Variants in LRRC37A2 observed in about 807,000 individuals in gnomAD.
LRRC37A2 encodes leucine rich repeat containing 37 member A2, also known as leucine-rich repeat-containing protein 37A2.
LRRC37A2 carries 9 observed loss-of-function variants against 68.8 expected under a neutral mutation model. The observed-to-expected ratio is 0.13, with a 90% CI of 0.08 to 0.23. The LOEUF is 0.23. Among genes scored for constraint, LRRC37A2 ranks in the 10% least tolerant of loss-of-function variants. The probability of loss-of-function intolerance (pLI) is 1.00; values close to 1 mark genes in which losing one functional copy is unlikely to be tolerated. For missense variants in LRRC37A2, 168 were observed against 950.4 expected (o/e 0.18, Z 10.82); for synonymous variants, 63 against 367.6 (o/e 0.17, Z 9.48).
chr17:46,769,569 C>G, the LRRC37A2 span, among the ~76,000 whole-genome samples: 4 of 152,070 alleles, frequency 2.6e-5, no homozygotes, highest in South Asian at 6.2e-4. Flanking sequence ...CCGACTCATC[C>G]CGGGTGGGGT....
chr17:46,810,857 T>G, the LRRC37A2 span, among the ~76,000 whole-genome samples: 1 of 152,128 alleles, frequency 6.6e-6, no homozygotes, highest in Non-Finnish European at 1.5e-5. Context: ...AATATCAAGA[T>G]GGTGGCAGAG....
the LRRC37A2 span, among the ~76,000 whole-genome samples, chr17:46,721,006 C>T: frequency 6.6e-6 from 1 of 152,196 alleles, no homozygotes; most frequent in Non-Finnish European, 1.5e-5. Context: ...GGTGGCTCCC[C>T]AGTTGTCTGA....
the LRRC37A2 span, among the ~76,000 whole-genome samples, chr17:46,887,652 C>G: frequency 0.3 from 46,213 of 151,848 alleles, 7,148 homozygotes; most frequent in Admixed American, 0.34. Context: ...TAACACCAGA[C>G]ACTTGGGAGG....
At chr17:46,622,314 C>T in the LRRC37A2 span, among the ~76,000 whole-genome samples, 7 of 146,742 alleles carry the variant, frequency 4.8e-5, no homozygotes, top group South Asian at 2.1e-4. Context: ...AAAAATTAGC[C>T]AGGCGTGGTG....
chr17:46,718,869 T>G, the LRRC37A2 span, among the ~76,000 whole-genome samples: 1 of 152,234 alleles, frequency 6.6e-6, no homozygotes, highest in Non-Finnish European at 1.5e-5. Context: ...TACATACATT[T>G]TTTATTATTT....
chr17:46,807,473 A>G, the LRRC37A2 span, among the ~76,000 whole-genome samples: 1 of 152,128 alleles, frequency 6.6e-6, no homozygotes, highest in African/African-American at 2.4e-5. Flanking sequence ...CAAGAGCAAA[A>G]CTCCATCTCT....
chr17:46,463,661 G>A, the LRRC37A2 span, among the ~76,000 whole-genome samples: 1 of 79,788 alleles, frequency 1.3e-5, no homozygotes, highest in African/African-American at 5.4e-5. Flanking sequence ...AGGCATGGTG[G>A]CACATTCCTG....
the LRRC37A2 span, chr17:46,751,730 A>G: frequency 1.5e-5 from 9 of 608,142 alleles, no homozygotes; most frequent in Non-Finnish European, 5.5e-6. Context: ...TGATTTTCTT[A>G]TATTATTTCC....
At chr17:46,980,789 C>T in the LRRC37A2 span, among the ~76,000 whole-genome samples, 40 of 151,614 alleles carry the variant, frequency 2.6e-4, no homozygotes, top group Non-Finnish European at 5.4e-4. Flanking sequence ...GCCGAGATCA[C>T]GCCACTGCAC....
chr17:46,995,841 T>C, the LRRC37A2 span, among the ~76,000 whole-genome samples: 1 of 152,240 alleles, frequency 6.6e-6, no homozygotes, highest in African/African-American at 2.4e-5. Context: ...ATTTGCTCCT[T>C]GGTCCTGAGT....
chr17:46,768,137 A>C, the LRRC37A2 span, among the ~76,000 whole-genome samples: 3 of 152,188 alleles, frequency 2.0e-5, no homozygotes, highest in African/African-American at 7.2e-5. This position sits in a 1 kb window ranked among gnomAD's most constrained non-coding sequence, Gnocchi z 5.0. Context: ...GTCTCTGCCC[A>C]AGGACCATTC....
At chr17:47,000,072 AATAAAAAATAAAAT>A in the LRRC37A2 span, among the ~76,000 whole-genome samples, 2 of 38,542 alleles carry the variant, frequency 5.2e-5, no homozygotes, top group African/African-American at 1.8e-4. Flanking sequence ...ATTAAAATAA[AATAAAAAATAAAAT>A]AAAATAAAAT....
At chr17:46,800,236 G>A in the LRRC37A2 span, among the ~76,000 whole-genome samples, 4 of 152,072 alleles carry the variant, frequency 2.6e-5, no homozygotes, top group East Asian at 5.8e-4. Flanking sequence ...TTAGCCTCCC[G>A]AGTAGCTGGC....
At chr17:46,839,985 CTT>C in the LRRC37A2 span, among the ~76,000 whole-genome samples, 184 of 127,194 alleles carry the variant, frequency 1.4e-3, no homozygotes, top group East Asian at 4.5e-3. Flanking sequence ...TCTCTTCTTT[CTT>C]TCTTTTTTCT....
At chr17:46,826,383 C>T in the LRRC37A2 span, among the ~76,000 whole-genome samples, 10 of 152,228 alleles carry the variant, frequency 6.6e-5, no homozygotes, top group African/African-American at 1.7e-4. Context: ...CTGGCACAGA[C>T]GTTGGAGGGC....
chr17:46,781,657 T>C, the LRRC37A2 span, among the ~76,000 whole-genome samples: 1 of 152,106 alleles, frequency 6.6e-6, no homozygotes, highest in South Asian at 2.1e-4. Context: ...CAGACGGTGG[T>C]GATGGTCACA....
the LRRC37A2 span, among the ~76,000 whole-genome samples, chr17:47,003,243 C>CAAA: frequency 1.1e-4 from 8 of 73,198 alleles, no homozygotes; most frequent in Non-Finnish European, 1.6e-4. Context: ...AATAGAGACT[C>CAAA]AAAAAAAAAA....
At chr17:46,710,938 G>A in the LRRC37A2 span, 1 of 1,566,796 alleles carries the variant, frequency 6.4e-7, no homozygotes, top group Non-Finnish European at 8.6e-7. Flanking sequence ...GGCTCAAAAT[G>A]CTTTAGACTC....
At chr17:46,978,402 C>A in the LRRC37A2 span, 2 of 413,690 alleles carry the variant, frequency 4.8e-6, no homozygotes, top group South Asian at 3.7e-5. Flanking sequence ...ACAAAAAAAA[C>A]TGGTAAGAAC....
Sources: allele counts gnomAD v4.1 joint callset (sites outside exome capture counted in the v4.1 genomes callset), GRCh38; gene constraint gnomAD v4.1.1; non-coding constraint Gnocchi (gnomAD v3.1); transcripts MANE v1.5; gene names NCBI Gene and HGNC (gene_info 2026-07-23, HGNC 2026-07-21).